The following TMEM132A variants were observed in gnomAD, a reference collection of about 807,000 sequenced individuals.
TMEM132A encodes GRP78-binding protein.
A neutral mutation model predicts 69.9 loss-of-function variants in TMEM132A; 48 were observed. The ratio of observed to expected loss-of-function variants is 0.69; its 90% CI spans 0.55 to 0.87. The LOEUF is 0.87. Among genes scored for constraint, TMEM132A ranks in the 40% least tolerant of loss-of-function variants. TMEM132A has a pLI of 0.00. For missense variants in TMEM132A, 1,287 were observed against 1,407.2 expected (o/e 0.91, Z 1.37); for synonymous variants, 577 against 613.7 (o/e 0.94, Z 0.88).
chr11:60,935,496 A>C lies in TMEM132A; in HGVS notation c.2028+53A>C. The C allele has an allele frequency of 1.3e-6, 2 of 1,526,552 alleles. No homozygotes were observed. Among genetic ancestry groups the C allele is most frequent in the African/African-American group, 1.4e-5 (1 of 73,548 alleles). 94.6% of individuals were successfully genotyped at this position (1,526,552 alleles called of 1,614,324 possible). On this transcript the variant is annotated intron_variant, in intron 10 of 10. Transcript: ENST00000453848. This position sits in a 1 kb window ranked among gnomAD's most constrained non-coding sequence, Gnocchi z 5.0. ...GGTCAACATCTCCAGATGGGGGCTC[A>C]TGGTAGAGGGGAATGGGAGGAAGGG...
At position 60,936,381 on chromosome 11, in the gene TMEM132A, G is replaced by C. The variant is rs1380782118; in HGVS notation, c.2546G>C (p.Gly849Ala). ...CAGCATGTCACTGAGCTAGAGCTGG[G>C]CATGTACGCCCTGCTGGGAGTCTTC... is the stretch of plus-strand genomic sequence containing the variant. ...APQHVTELEL[G>A]MYALLGVFCV... Residue 849 changes from glycine to alanine, a missense_variant, in exon 11 of 11, where the codon GGC becomes GCC. Transcript: ENST00000453848. 6.2e-7 allele frequency: 1 copy of C among 1,614,180 alleles called. No homozygotes were observed. The highest frequency in any genetic ancestry group is 2.2e-5 in the East Asian group (1 of 44,876).
In TMEM132A at chr11:60,935,153, G is replaced by A. The variant is rs552940; in HGVS notation, c.1837-99G>A. The A allele has an allele frequency of 0.42, 510,482 of 1,204,960 alleles. 109,246 individuals are homozygous for A. The highest frequency in any genetic ancestry group is 0.49 in the Middle Eastern group (1,699 of 3,500). 74.6% of individuals were successfully genotyped at this position (1,204,960 alleles called of 1,614,324 possible). A position where few individuals can be genotyped will look rare whatever the true frequency, so the allele number is the denominator to read the frequency against. On this transcript the variant is annotated intron_variant, in intron 9 of 10. Coordinates refer to ENST00000453848, the MANE Select transcript of TMEM132A (RefSeq NM_178031.3). This position sits in a 1 kb window ranked among gnomAD's most constrained non-coding sequence, Gnocchi z 5.0. The stretch of plus-strand genomic sequence containing the variant: ...CGTGGCGAAGACCTCCCCCACCTCC[G>A]GAGGGCAGCCCGTGAGGGTGCTGGG...
At position 60,929,504 on chromosome 11, in the gene TMEM132A, C is replaced by T. The variant is rs761435961; in HGVS notation, c.866+544C>T. On this transcript the variant is annotated intron_variant, in intron 4 of 10. Transcript: ENST00000453848. ...CCCCCACCCACCTACCCAGTTCACC[C>T]GGCAAGGGCTTGCAGAGTATGACTT... Among the ~76,000 whole-genome samples, 19 of 152,306 alleles carry T rather than the reference C, an allele frequency of 1.2e-4. No homozygotes were observed. The Middle Eastern group carries it at 0.017, about 136-fold the overall frequency.
At position 60,936,024 on chromosome 11, in the gene TMEM132A, G is replaced by T; in HGVS notation, c.2189G>T (p.Gly730Val). The T allele has an allele frequency of 6.2e-7, 1 of 1,603,412 alleles. No homozygotes were observed. The highest frequency in any genetic ancestry group is 8.5e-7 in the Non-Finnish European group (1 of 1,177,666). ...GCCCAGCTCGGGGTGGTGGTGAGTG[G>T]GGCAGGCGCCGAGGGGCTGCCGCTG... is the stretch of plus-strand genomic sequence containing the variant. ...QGAQLGVVVS[G>V]AGAEGLPLHV... The change falls in exon 11 of 11, where the codon GGG becomes GTG. Residue 730 changes from glycine (G) to valine (V), a missense_variant. Transcript: ENST00000453848.
At position 60,935,981 on chromosome 11, in the gene TMEM132A, C is replaced by T; in HGVS notation, c.2146C>T (p.Pro716Ser). 6.2e-7 allele frequency: 1 copy of T among 1,610,614 alleles called. No homozygotes were observed. Among genetic ancestry groups the T allele is most frequent in the Non-Finnish European group, 8.5e-7 (1 of 1,179,640 alleles). ...VSAEEPGAIL[P>S]AEEQGAQLGV... ...AGCCGAGGAGCCTGGTGCCATCCTGCCAGCTGAGGAGCAGGGTGCCCAGCT... is the reference window on the plus strand; with the variant it reads ...AGCCGAGGAGCCTGGTGCCATCCTGTCAGCTGAGGAGCAGGGTGCCCAGCT... The change falls in exon 11 of 11, where the codon CCA becomes TCA. Residue 716 changes from proline (P) to serine (S), a missense_variant. Coordinates refer to ENST00000453848, the MANE Select transcript of TMEM132A (RefSeq NM_178031.3). The surrounding 1 kb of genome is among the most constrained non-coding windows in gnomAD (Gnocchi z 5.0).
Position 60,928,892 on chromosome 11 carries a change from G to T in TMEM132A, c.798G>T (p.Arg266=). 1 of 1,612,778 alleles carries T rather than the reference G, an allele frequency of 6.2e-7. No homozygotes were observed. ...VTLRVPDMPV[R]PGQLFSATLL... is the part of the protein sequence containing the mutation. ...TGCGGGTGCCTGACATGCCAGTGCG[G>T]CCCGGCCAGCTCTTTAGTGCTACCC... Residue 266 remains arginine, a synonymous_variant, in exon 4 of 11, where the codon CGG becomes CGT. Coordinates refer to ENST00000453848, the MANE Select transcript of TMEM132A (RefSeq NM_178031.3).
At chr11:60,926,396 G>A (rs1248572923) in intron 1 of TMEM132A, among the ~76,000 whole-genome samples, 1 of 152,096 alleles carries the variant, frequency 6.6e-6, no homozygotes, top group African/African-American at 2.4e-5. Flanking sequence ...AATAGAACCT[G>A]GTTCACAGAA....
rs1224887369 is a variant in TMEM132A at position 60,937,085 on chromosome 11, C to T, written c.*178C>T. 9.4e-6 allele frequency: 13 copies of T among 1,387,432 alleles called. No homozygotes were observed. Among genetic ancestry groups the T allele is most frequent in the South Asian group, 2.9e-5 (2 of 69,258 alleles). The allele number at this position is 1,387,432 out of a possible 1,614,324, so 85.9% of individuals were successfully genotyped here. The stretch of plus-strand genomic sequence containing the variant: ...CCTGCCCCTTGTCATGGACCATGGT[C>T]GTGAGGAAGGGCTCATGCCCCTTAT... On this transcript the variant is annotated 3_prime_UTR_variant, in exon 11 of 11. Transcript: ENST00000453848.
chr11:60,934,804 G>A (rs1856554120), intron 9 of TMEM132A, 40 bp downstream of exon 9: 2 of 1,542,322 alleles, frequency 1.3e-6, no homozygotes, highest in East Asian at 2.3e-5. Flanking sequence ...CCCCTGAGAA[G>A]GGTGGAGGGG....
Position 60,936,490 on chromosome 11 carries a change from T to A in TMEM132A, c.2655T>A (p.Thr885=), listed in dbSNP as rs1242261386. ...GCAAAGAACCTCCCGACAGTGCCAC[T>A]GACCCCACCTCCCCCCAGCCCCACA... ...YQRKEPPDSA[T]DPTSPQPHNW... Residue 885 remains threonine, a synonymous_variant, in exon 11 of 11, where the codon ACT becomes ACA. Transcript: ENST00000453848. 2 of 1,614,128 alleles carry A rather than the reference T, an allele frequency of 1.2e-6. No individual in the cohort carries two copies. The highest frequency in any genetic ancestry group is 2.7e-5 in the African/African-American group (2 of 75,054).
intron 5 of TMEM132A, among the ~76,000 whole-genome samples, chr11:60,931,075 A>G: frequency 6.6e-6 from 1 of 152,182 alleles, no homozygotes; most frequent in East Asian, 1.9e-4. Context: ...GGTCAAGGCC[A>G]TGGACTCAGT....
In TMEM132A at chr11:60,927,218, G is replaced by C. The variant is rs528578201; in HGVS notation, c.115G>C (p.Ala39Pro). The C allele has an allele frequency of 6.2e-7, 1 of 1,612,774 alleles. No individual in the cohort carries two copies. ...LDVVRVDCGQ[A>P]PLDPVYLPAA... The stretch of plus-strand genomic sequence containing the variant: ...TGCCTCTTCAGTGGACTGTGGCCAG[G>C]CTCCCCTGGACCCTGTCTACCTGCC... The change falls in exon 2 of 11, where the codon GCT (alanine) becomes CCT (proline). Residue 39 changes from alanine to proline, a missense_variant. By Grantham distance (27) the Ala-to-Pro change is conservative (BLOSUM62 -1). Coordinates refer to ENST00000453848, the MANE Select transcript of TMEM132A (RefSeq NM_178031.3).
At chr11:60,934,323 T>G in intron 8 of TMEM132A, 165 bp from the exon 9 acceptor site, 1 of 586,228 alleles carries the variant, frequency 1.7e-6, no homozygotes, top group Non-Finnish European at 2.6e-6. Context: ...CGCCTGCAGG[T>G]GGAAGGGCCT....
At position 60,928,617 on chromosome 11, in the gene TMEM132A, G is replaced by A. The variant is rs375795914; in HGVS notation, c.535-12G>A. On this transcript the variant is annotated splice_polypyrimidine_tract_variant and intron_variant, in intron 3 of 10. Transcript: ENST00000453848. The stretch of plus-strand genomic sequence containing the variant: ...CACCCCCATGCCAATTACTGCTGTC[G>A]TGTCTTCACAGCCATCCCTGGGCGC... The A allele has an allele frequency of 5.7e-5, 92 of 1,604,976 alleles. No homozygotes were observed. The highest frequency in any genetic ancestry group is 2.9e-4 in the South Asian group (26 of 90,852).
chr11:60,935,788 A>G lies in TMEM132A; in HGVS notation c.2029-76A>G, dbSNP rs525574. ...CTCTGGTCTCTCCTCCATGTGGCCT[A>G]TCTCTGTGGGAGTGGTTTCTCTGTG... On this transcript the variant is annotated intron_variant, in intron 10 of 10. Transcript: ENST00000453848. The surrounding 1 kb of genome is among the most constrained non-coding windows in gnomAD (Gnocchi z 5.0). The G allele has an allele frequency of 0.42, 645,250 of 1,520,184 alleles. 138,147 individuals are homozygous for G. Among genetic ancestry groups the G allele is most frequent in the Middle Eastern group, 0.49 (1,985 of 4,090 alleles). The allele number at this position is 1,520,184 out of a possible 1,614,324, so 94.2% of individuals were successfully genotyped here.
intron 9 of TMEM132A, 133 bp downstream of exon 9, chr11:60,934,897 T>G: frequency 2.1e-5 from 21 of 977,770 alleles, no homozygotes; most frequent in Non-Finnish European, 3.1e-5. Flanking sequence ...TAGGTCTGAG[T>G]GCAGTGGGAT....
chr11:60,934,836 G>A, intron 9 of TMEM132A, 72 bp downstream of exon 9: 1 of 1,460,470 alleles, frequency 6.8e-7, no homozygotes, highest in Non-Finnish European at 9.2e-7. Flanking sequence ...TTCGTGGGTG[G>A]GAGTGAAGAG....
intron 4 of TMEM132A, among the ~76,000 whole-genome samples, chr11:60,929,226 G>A (rs985349286): frequency 6.6e-6 from 1 of 152,202 alleles, no homozygotes; most frequent in Non-Finnish European, 1.5e-5. Context: ...TGGGGCTAAC[G>A]GTCCACCTTC....
In TMEM132A at chr11:60,928,744, G is replaced by A. The variant is rs771375975; in HGVS notation, c.650G>A (p.Gly217Glu). 1.2e-6 allele frequency: 2 copies of A among 1,609,482 alleles called. No individual in the cohort carries two copies. The highest frequency in any genetic ancestry group is 2.2e-5 in the South Asian group (2 of 90,896). The change falls in exon 4 of 11, where the codon GGG becomes GAG. Residue 217 changes from glycine (G) to glutamate (E), a missense_variant. Gly to Glu is a moderately conservative substitution (Grantham distance 98, BLOSUM62 -2). Transcript: ENST00000453848. ...CTTGAGCCTGCAGCTGAGGGCCCTG[G>A]GGGCTGTGGCTCCGGCGAGGAGAAC... ...YTLEPAAEGP[G>E]GCGSGEENDP...
Sources: allele counts gnomAD v4.1 joint callset (sites outside exome capture counted in the v4.1 genomes callset), GRCh38; gene constraint gnomAD v4.1.1; non-coding constraint Gnocchi (gnomAD v3.1); transcripts MANE v1.5; gene names NCBI Gene and HGNC (gene_info 2026-07-23, HGNC 2026-07-21).